Variants in RYR3 observed in about 807,000 individuals in gnomAD.
RYR3 encodes brain ryanodine receptor-calcium release channel.
Under a neutral mutation model 584.3 loss-of-function variants are expected in RYR3, and 207 were observed. The ratio of observed to expected loss-of-function variants is 0.35; its 90% CI spans 0.32 to 0.40. RYR3 has a LOEUF of 0.40. Among genes scored for constraint, RYR3 ranks in the 10% least tolerant of loss-of-function variants. The pLI is 1.00. For synonymous variants in RYR3, 2,416 were observed against 2,248.5 expected, an observed-to-expected ratio of 1.07 and a Z score of -2.11; for missense variants, 5,616 against 6,089.2, an observed-to-expected ratio of 0.92 and a Z score of 2.59.
At chr15:33,464,582 T>C (rs2048340733) in intron 1 of RYR3, among the ~76,000 whole-genome samples, 1 of 148,456 alleles carries the variant, frequency 6.7e-6, no homozygotes, top group South Asian at 2.1e-4. Context: ...TAATATATAA[T>C]GTATATAATG....
At chr15:33,742,801 A>G (rs1035558329) in intron 52 of RYR3, among the ~76,000 whole-genome samples, 1 of 126,294 alleles carries the variant, frequency 7.9e-6, no homozygotes, top group Non-Finnish European at 1.8e-5. Context: ...TTGAATGCAG[A>G]TTGGAAAAAA....
chr15:33,415,007 A>T (rs902377637), intron 1 of RYR3, among the ~76,000 whole-genome samples: 1 of 152,132 alleles, frequency 6.6e-6, no homozygotes, highest in Non-Finnish European at 1.5e-5. Flanking sequence ...GATTAATAAG[A>T]CACTCTGTCC....
intron 1 of RYR3, among the ~76,000 whole-genome samples, chr15:33,352,292 C>T (rs1973384384): frequency 6.6e-6 from 1 of 152,082 alleles, no homozygotes; most frequent in Non-Finnish European, 1.5e-5. Context: ...CTTATCTTCT[C>T]ATCCTCTTAC....
At chr15:33,707,891 T>C (rs2066830386) in intron 43 of RYR3, among the ~76,000 whole-genome samples, 1 of 152,200 alleles carries the variant, frequency 6.6e-6, no homozygotes, top group Non-Finnish European at 1.5e-5. Context: ...TCTTGTTGTC[T>C]CTCTACCCTC....
At chr15:33,564,945 TTA>T (rs1186344645) in intron 11 of RYR3, among the ~76,000 whole-genome samples, 2 of 152,212 alleles carry the variant, frequency 1.3e-5, no homozygotes, top group Non-Finnish European at 1.5e-5. Context: ...TCTAAATCTG[TTA>T]TGTTTTATGA....
At chr15:33,826,837 C>T (rs1263428433) in intron 84 of RYR3, 85 bp downstream of exon 84, 10 of 921,446 alleles carry the variant, frequency 1.1e-5, no homozygotes, top group African/African-American at 1.7e-5. Context: ...TTTGATGCAA[C>T]TAGTTGTTAA....
chr15:33,353,773 AT>A (rs755482702), intron 1 of RYR3, among the ~76,000 whole-genome samples: 14 of 151,404 alleles, frequency 9.2e-5, no homozygotes, highest in Admixed American at 7.9e-4. Context: ...TCTAATGGTG[AT>A]TTTTTTTTCA....
At chr15:33,830,189 T>C (rs2077594342) in intron 85 of RYR3, among the ~76,000 whole-genome samples, 1 of 152,222 alleles carries the variant, frequency 6.6e-6, no homozygotes, top group South Asian at 2.1e-4. Context: ...CATGCGTCTT[T>C]CATGAAAGGA....
At chr15:33,321,682 A>AT (rs1968984819) in intron 1 of RYR3, among the ~76,000 whole-genome samples, 1 of 152,170 alleles carries the variant, frequency 6.6e-6, no homozygotes, top group South Asian at 2.1e-4. Context: ...ATTGGACTTA[A>AT]TAGACGGGAA....
At chr15:33,496,464 T>G (rs1386893677) in intron 2 of RYR3, among the ~76,000 whole-genome samples, 5 of 152,166 alleles carry the variant, frequency 3.3e-5, no homozygotes, top group Non-Finnish European at 1.5e-5. Flanking sequence ...ACTTTTTCTT[T>G]CCTTTGCTCA....
intron 53 of RYR3, 133 bp downstream of exon 53, chr15:33,746,290 C>T: frequency 1.4e-6 from 1 of 693,822 alleles, no homozygotes. Context: ...GTAAACTGTT[C>T]ACAAGCTTGC....
At chr15:33,427,707 C>T (rs2044762378) in intron 1 of RYR3, among the ~76,000 whole-genome samples, 1 of 152,166 alleles carries the variant, frequency 6.6e-6, no homozygotes, top group Non-Finnish European at 1.5e-5. Context: ...CTCACATCTC[C>T]GAGCAGTCAG....
At chr15:33,729,714 A>G (rs571420746) in intron 47 of RYR3, among the ~76,000 whole-genome samples, 2 of 152,188 alleles carry the variant, frequency 1.3e-5, no homozygotes, top group East Asian at 1.9e-4. Context: ...ACTAAGCAGA[A>G]AAAGGTACAC....
intron 100 of RYR3, 41 bp from the exon 101 acceptor site, chr15:33,860,554 C>CCACTA: frequency 7.8e-7 from 1 of 1,285,708 alleles, no homozygotes; most frequent in Non-Finnish European, 1.1e-6. Context: ...TACCCCTGAA[C>CCACTA]CACTACACAG....
At chr15:33,508,629 G>T (rs1034949490) in intron 3 of RYR3, among the ~76,000 whole-genome samples, 1 of 152,132 alleles carries the variant, frequency 6.6e-6, no homozygotes, top group Non-Finnish European at 1.5e-5. Flanking sequence ...CAGACTGGGC[G>T]ACAGAGCAAG....
intron 50 of RYR3, 108 bp from the exon 51 acceptor site, chr15:33,739,723 TG>T: frequency 1.1e-6 from 1 of 887,622 alleles, no homozygotes; most frequent in Non-Finnish European, 1.7e-6. Context: ...TTGGTTAACC[TG>T]GATAAATGCG....
intron 44 of RYR3, 62 bp downstream of exon 44, chr15:33,722,957 T>C (rs2068060120): frequency 2.2e-6 from 3 of 1,394,686 alleles, no homozygotes; most frequent in Non-Finnish European, 2.9e-6. Context: ...ATATTATTGG[T>C]ATACGGATGA....
rs565680172 is a variant in RYR3 at position 33,861,455 on chromosome 15, C to T, written c.14465+277C>T. On this transcript the variant is annotated intron_variant, in intron 102 of 103. Coordinates refer to ENST00000634891, the MANE Select transcript of RYR3 (RefSeq NM_001036.6). Reference sequence around the variant, plus strand: ...CAGCAATTTCTCTTTCTCTACTGGACTTCTTCTATCACCATATAAATATGC... The same window carrying T: ...CAGCAATTTCTCTTTCTCTACTGGATTTCTTCTATCACCATATAAATATGC... Among the ~76,000 whole-genome samples, 2 of 151,356 alleles carry T rather than the reference C, an allele frequency of 1.3e-5. 1 individual carries two copies. Among genetic ancestry groups the T allele is most frequent in the South Asian group, 4.2e-4 (2 of 4,756 alleles).
chr15:33,817,094 C>CTTT, intron 75 of RYR3, 136 bp downstream of exon 75: 3 of 559,904 alleles, frequency 5.4e-6, no homozygotes, highest in Non-Finnish European at 9.7e-6. Flanking sequence ...TGTGTAAGTG[C>CTTT]TCAGGGGAGG....
Sources: gnomAD v4.1 joint callset for allele counts (sites outside exome capture counted in the v4.1 genomes callset) on GRCh38, gnomAD v4.1.1 for gene constraint, MANE v1.5 for transcripts, NCBI Gene and HGNC (gene_info 2026-07-23, HGNC 2026-07-21) for gene names.